The following TDRD3 variants were observed in gnomAD, a reference collection of about 807,000 sequenced individuals.
TDRD3 encodes tudor domain-containing protein 3.
Under a neutral mutation model 86.7 loss-of-function variants are expected in TDRD3, and 45 were observed. That is an observed-to-expected ratio of 0.52 (90% CI 0.41 to 0.67). TDRD3 has a LOEUF of 0.67. Among genes scored for constraint, TDRD3 ranks in the 30% least tolerant of loss-of-function variants. The probability of loss-of-function intolerance (pLI) is 0.00; values close to 1 mark genes in which losing one functional copy is unlikely to be tolerated. For missense variants in TDRD3, 814 were observed against 889.0 expected (o/e 0.92, Z 1.07); for synonymous variants, 298 against 301.7 (o/e 0.99, Z 0.13).
intron 5 of TDRD3, among the ~76,000 whole-genome samples, chr13:60,469,621 A>C (rs141909803): frequency 2.3e-4 from 35 of 152,292 alleles, no homozygotes; most frequent in Non-Finnish European, 4.1e-4. Context: ...TTTTGGCTTT[A>C]TAGTTTTTGA....
chr13:60,492,254 T>G (rs1285227845), intron 7 of TDRD3, among the ~76,000 whole-genome samples: 3 of 152,248 alleles, frequency 2.0e-5, no homozygotes, highest in African/African-American at 7.2e-5. Flanking sequence ...TTAGGGGATG[T>G]AAATTTTGGA....
chr13:60,506,062 C>T (rs2137632659), intron 8 of TDRD3, among the ~76,000 whole-genome samples: 1 of 152,186 alleles, frequency 6.6e-6, no homozygotes, highest in Non-Finnish European at 1.5e-5. Context: ...AGAAGAGCAA[C>T]CCCAAGACAC....
At chr13:60,540,201 T>G (rs1957779981) in intron 12 of TDRD3, among the ~76,000 whole-genome samples, 1 of 152,180 alleles carries the variant, frequency 6.6e-6, no homozygotes, top group Non-Finnish European at 1.5e-5. Context: ...GATCACCATG[T>G]GAGCAGTGCT....
intron 12 of TDRD3, chr13:60,536,714 T>A (rs1400234202): frequency 6.6e-6 from 1 of 152,102 alleles, no homozygotes; most frequent in Non-Finnish European, 1.5e-5. Flanking sequence ...TTAATTTTAT[T>A]CTTCTCTCCC....
intron 12 of TDRD3, among the ~76,000 whole-genome samples, chr13:60,551,083 G>A (rs1358905509): frequency 1.3e-5 from 2 of 152,038 alleles, no homozygotes; most frequent in African/African-American, 4.8e-5. Context: ...TTTAAAATGC[G>A]AGTGAGATGG....
intron 11 of TDRD3, among the ~76,000 whole-genome samples, chr13:60,531,448 A>G (rs1443898636): frequency 4.6e-5 from 7 of 152,220 alleles, no homozygotes; most frequent in Non-Finnish European, 7.3e-5. Flanking sequence ...TAGTCACTGT[A>G]TCTGATGCTC....
chr13:60,401,830 A>G (rs1296809114), intron 1 of TDRD3, among the ~76,000 whole-genome samples: 1 of 152,236 alleles, frequency 6.6e-6, no homozygotes, highest in East Asian at 1.9e-4. Context: ...CCAAGTGCAT[A>G]CATAACTCCT....
In TDRD3 at chr13:60,483,667, A is replaced by G. The variant is rs142172295; in HGVS notation, c.496-108A>G. ...TTCATGGAAGGCCTTTTTTTTTCCTATTTCTTATAAGAATCTACTCAAATA... is the reference window on the plus strand; with the variant it reads ...TTCATGGAAGGCCTTTTTTTTTCCTGTTTCTTATAAGAATCTACTCAAATA... On this transcript the variant is annotated intron_variant, in intron 5 of 13. Coordinates refer to ENST00000377881, the MANE Select transcript of TDRD3 (RefSeq NM_001146070.2). 5.5e-5 allele frequency: 53 copies of G among 957,298 alleles called. No homozygotes were observed. The East Asian group carries it at 1.2e-3, about 21-fold the overall frequency. The allele number at this position is 957,298 out of a possible 1,614,324, so 59.3% of individuals were successfully genotyped here. A position where few individuals can be genotyped will look rare whatever the true frequency, so the allele number is the denominator to read the frequency against.
At chr13:60,536,322 A>G (rs950337658) in intron 12 of TDRD3, 34 of 152,104 alleles carry the variant, frequency 2.2e-4, no homozygotes, top group African/African-American at 8.0e-4. Flanking sequence ...TAAGATTGCT[A>G]ATGGCTCATA....
intron 12 of TDRD3, among the ~76,000 whole-genome samples, chr13:60,562,762 A>G (rs1958365140): frequency 6.6e-6 from 1 of 152,216 alleles, no homozygotes; most frequent in African/African-American, 2.4e-5. Flanking sequence ...ATTTTATTAA[A>G]TTATACATAA....
In TDRD3 at chr13:60,535,250, C is replaced by A. The variant is rs1957674023; in HGVS notation, c.2118+17C>A. ...GAGGCATGGGTACGTGATACATATT[C>A]TGTACAAAGGCATAAACTATTTTGA... On this transcript the variant is annotated intron_variant, in intron 12 of 13. Transcript: ENST00000377881. 3.1e-6 allele frequency: 5 copies of A among 1,607,088 alleles called. No homozygotes were observed. The highest frequency in any genetic ancestry group is 4.2e-6 in the Non-Finnish European group (5 of 1,177,392).
At chr13:60,468,221 G>C (rs557040768) in intron 5 of TDRD3, among the ~76,000 whole-genome samples, 1 of 152,194 alleles carries the variant, frequency 6.6e-6, no homozygotes, top group East Asian at 1.9e-4. Flanking sequence ...CATAGATCTT[G>C]TTGTAGCCAA....
chr13:60,425,230 CAT>C, intron 1 of TDRD3, among the ~76,000 whole-genome samples: 1 of 152,172 alleles, frequency 6.6e-6, no homozygotes, highest in African/African-American at 2.4e-5. Context: ...CCAAAGAAGA[CAT>C]AAAAATGTCT....
intron 1 of TDRD3, among the ~76,000 whole-genome samples, chr13:60,411,897 G>A (rs1954377775): frequency 6.6e-6 from 1 of 152,158 alleles, no homozygotes; most frequent in African/African-American, 2.4e-5. Flanking sequence ...TTAGGGTATT[G>A]TCATTGTCTT....
chr13:60,573,540 G>A (rs1958634299), intron 13 of TDRD3, 76 bp from the exon 14 acceptor site: 1 of 892,402 alleles, frequency 1.1e-6, no homozygotes, highest in Admixed American at 6.2e-5. Context: ...AGTTTCAGCA[G>A]AAATGTATCT....
In TDRD3 at chr13:60,510,760, G is replaced by A. The variant is rs755590957; in HGVS notation, c.1141+5G>A. 2 of 1,522,552 alleles carry A rather than the reference G, an allele frequency of 1.3e-6. No homozygotes were observed. The highest frequency in any genetic ancestry group is 2.8e-5 in the African/African-American group (2 of 70,364). The allele number at this position is 1,522,552 out of a possible 1,614,324, so 94.3% of individuals were successfully genotyped here. On this transcript the variant is annotated splice_donor_5th_base_variant and intron_variant, in intron 10 of 13. Coordinates refer to ENST00000377881, the MANE Select transcript of TDRD3 (RefSeq NM_001146070.2). ...TGGGAACTTTGAATGTGGAAGGTAA[G>A]CTAATTTAAAGTTGATTCCTTTTTT...
chr13:60,525,578 A>G (rs561688987), intron 10 of TDRD3, among the ~76,000 whole-genome samples: 1 of 152,344 alleles, frequency 6.6e-6, no homozygotes, highest in Admixed American at 6.5e-5. Flanking sequence ...TAACAAAATT[A>G]CTTGTTTTAT....
At chr13:60,409,146 C>A (rs1954301398) in intron 1 of TDRD3, among the ~76,000 whole-genome samples, 1 of 152,212 alleles carries the variant, frequency 6.6e-6, no homozygotes, top group African/African-American at 2.4e-5. Flanking sequence ...TGTGGGGGCA[C>A]AAAGTCAAGA....
chr13:60,397,279 T>G lies in TDRD3; in HGVS notation c.-86T>G. 2 of 718,716 alleles carry G rather than the reference T, an allele frequency of 2.8e-6. No individual in the cohort carries two copies. Among genetic ancestry groups the G allele is most frequent in the Admixed American group, 3.7e-5 (1 of 27,046 alleles). The allele number at this position is 718,716 out of a possible 1,614,324, so 44.5% of individuals were successfully genotyped here. On this transcript the variant is annotated 5_prime_UTR_variant, in exon 1 of 14. Transcript: ENST00000377881. The stretch of plus-strand genomic sequence containing the variant: ...AGTTTTTTCTTTTCTTTTCTTTTTT[T>G]TTTTTTAAGGGGGGGGGTCTCAAGT...
Sources: gnomAD v4.1 joint callset for allele counts (sites outside exome capture counted in the v4.1 genomes callset) on GRCh38, gnomAD v4.1.1 for gene constraint, MANE v1.5 for transcripts, NCBI Gene and HGNC (gene_info 2026-07-23, HGNC 2026-07-21) for gene names.